The following HIF1AN variants were observed in gnomAD, a reference collection of about 807,000 sequenced individuals.
HIF1AN encodes the protein hypoxia-inducible factor 1-alpha inhibitor.
In HIF1AN, 21 loss-of-function variants were observed where a neutral mutation model predicts 47.7. The observed-to-expected ratio is 0.44, with a 90% CI of 0.31 to 0.63. HIF1AN has a LOEUF of 0.63. HIF1AN is among the 30% of genes least tolerant of loss of function. HIF1AN has a pLI of 0.07. For synonymous variants in HIF1AN, 152 were observed against 155.9 expected, an observed-to-expected ratio of 0.98 and a Z score of 0.18; for missense variants, 320 against 432.7, an observed-to-expected ratio of 0.74 and a Z score of 2.31.
intron 4 of HIF1AN, 70 bp downstream of exon 4, chr10:100,545,166 C>A: frequency 6.6e-7 from 1 of 1,526,404 alleles, no homozygotes; most frequent in Non-Finnish European, 9.0e-7. Flanking sequence ...GAATGTCTTT[C>A]CCCTTCCCCG....
chr10:100,554,458 G>A lies in HIF1AN; in HGVS notation c.*6321G>A, dbSNP rs1843196901. Reference sequence around the variant, plus strand: ...TCGAACCAACCTTGGGCAGCATAGTGAGACCCCTTCTCTTAATAATTTTTT... The same window carrying A: ...TCGAACCAACCTTGGGCAGCATAGTAAGACCCCTTCTCTTAATAATTTTTT... On this transcript the variant is annotated 3_prime_UTR_variant, in exon 8 of 8. Coordinates refer to ENST00000299163, the MANE Select transcript of HIF1AN (RefSeq NM_017902.3). 1 of 151,778 alleles carries A rather than the reference G, an allele frequency of 6.6e-6. No individual in the cohort carries two copies. Among genetic ancestry groups the A allele is most frequent in the Non-Finnish European group, 1.5e-5 (1 of 67,954 alleles). 9.4% of individuals were successfully genotyped at this position (151,778 alleles called of 1,614,324 possible).
Position 100,551,397 on chromosome 10 carries a change from G to A in HIF1AN, c.*3260G>A, listed in dbSNP as rs1048208747. Reference sequence around the variant, plus strand: ...ACAGAGAGGGGAAGGATCCTTATCAGTGGGCCAGCCCAGTATGGGGAGACA... The same window carrying A: ...ACAGAGAGGGGAAGGATCCTTATCAATGGGCCAGCCCAGTATGGGGAGACA... On this transcript the variant is annotated 3_prime_UTR_variant, in exon 8 of 8. Transcript: ENST00000299163. 6 of 152,234 alleles carry A rather than the reference G, an allele frequency of 3.9e-5. No homozygotes were observed. Among genetic ancestry groups the A allele is most frequent in the African/African-American group, 1.4e-4 (6 of 41,466 alleles). 9.4% of individuals were successfully genotyped at this position (152,234 alleles called of 1,614,324 possible). A position where few individuals can be genotyped will look rare whatever the true frequency, so the allele number is the denominator to read the frequency against.
At chr10:100,542,885 A>C (rs1843056549) in intron 3 of HIF1AN, among the ~76,000 whole-genome samples, 1 of 112,500 alleles carries the variant, frequency 8.9e-6, no homozygotes, top group South Asian at 3.1e-4. Context: ...GAATGAAAGG[A>C]GAGGCCCTTA....
chr10:100,538,835 A>G (rs948076424), intron 2 of HIF1AN, among the ~76,000 whole-genome samples: 9 of 151,598 alleles, frequency 5.9e-5, no homozygotes, highest in African/African-American at 2.2e-4. Context: ...AAAAAAAAAA[A>G]AGATTTCTGA....
At chr10:100,538,125 G>A (rs979247715) in intron 2 of HIF1AN, among the ~76,000 whole-genome samples, 1 of 152,220 alleles carries the variant, frequency 6.6e-6, no homozygotes. Context: ...TCAGTCGCTT[G>A]AAGTTTCTTG....
chr10:100,554,823 A>AG lies in HIF1AN; in HGVS notation c.*6686_*6687insG, dbSNP rs1843200878. On this transcript the variant is annotated 3_prime_UTR_variant, in exon 8 of 8. Transcript: ENST00000299163. ...CTCCCTCTCAAAAAAAAAAAAAAAA[A>AG]ATTATGAGTATGTTAAGATTGTTCT... is the stretch of plus-strand genomic sequence containing the variant. 1.3e-5 allele frequency: 2 copies of AG among 148,398 alleles called. No individual in the cohort carries two copies. Among genetic ancestry groups the AG allele is most frequent in the East Asian group, 3.9e-4 (2 of 5,118 alleles). 9.2% of individuals were successfully genotyped at this position (148,398 alleles called of 1,614,324 possible). A position where few individuals can be genotyped will look rare whatever the true frequency, so the allele number is the denominator to read the frequency against.
intron 2 of HIF1AN, among the ~76,000 whole-genome samples, chr10:100,538,978 T>C (rs571147384): frequency 2.3e-4 from 34 of 150,818 alleles, no homozygotes; most frequent in Non-Finnish European, 4.4e-4. Flanking sequence ...TGATCTCAGC[T>C]TACTGCAACC....
In HIF1AN at chr10:100,552,283, G is replaced by A. The variant is rs1177519730; in HGVS notation, c.*4146G>A. 6.6e-6 allele frequency: 1 copy of A among 152,222 alleles called. No individual in the cohort carries two copies. The highest frequency in any genetic ancestry group is 1.5e-5 in the Non-Finnish European group (1 of 68,054). The allele number at this position is 152,222 out of a possible 1,614,324, so 9.4% of individuals were successfully genotyped here. The stretch of plus-strand genomic sequence containing the variant: ...TTGGTGGTTCTCTCTTTCAGAATGG[G>A]AACTTCCCAAAAATGGGGCTGCGTC... On this transcript the variant is annotated 3_prime_UTR_variant, in exon 8 of 8. Coordinates refer to ENST00000299163, the MANE Select transcript of HIF1AN (RefSeq NM_017902.3).
rs1843242161 is a variant in HIF1AN at position 100,559,700 on chromosome 10, G to A, written c.*11563G>A. ...CAAAGTTCTGGGATTACAGGCATAA[G>A]CCACTGTGCCTGGCCTTGAATATAT... On this transcript the variant is annotated 3_prime_UTR_variant, in exon 8 of 8. Transcript: ENST00000299163. 6.6e-6 allele frequency: 1 copy of A among 152,242 alleles called. No individual in the cohort carries two copies. The highest frequency in any genetic ancestry group is 2.4e-5 in the African/African-American group (1 of 41,464). The allele number at this position is 152,242 out of a possible 1,614,324, so 9.4% of individuals were successfully genotyped here. A position where few individuals can be genotyped will look rare whatever the true frequency, so the allele number is the denominator to read the frequency against.
Position 100,551,068 on chromosome 10 carries a change from A to G in HIF1AN, c.*2931A>G, listed in dbSNP as rs1324283257. ...CGCTGCAGGCTCATCTATTCACACC[A>G]GCAGGTACAGAGAAAACTAGTGTTT... On this transcript the variant is annotated 3_prime_UTR_variant, in exon 8 of 8. Coordinates refer to ENST00000299163, the MANE Select transcript of HIF1AN (RefSeq NM_017902.3). The G allele has an allele frequency of 6.6e-6, 1 of 152,262 alleles. No individual in the cohort carries two copies. The highest frequency in any genetic ancestry group is 1.5e-5 in the Non-Finnish European group (1 of 68,066). 9.4% of individuals were successfully genotyped at this position (152,262 alleles called of 1,614,324 possible).
intron 2 of HIF1AN, among the ~76,000 whole-genome samples, chr10:100,538,950 G>C (rs1295674714): frequency 5.7e-5 from 8 of 140,874 alleles, no homozygotes; most frequent in Non-Finnish European, 1.2e-4. Context: ...CTGTCACCCA[G>C]GCTGGAGTGC....
chr10:100,542,421 T>C (rs938837765), intron 3 of HIF1AN, among the ~76,000 whole-genome samples: 3 of 152,184 alleles, frequency 2.0e-5, no homozygotes, highest in African/African-American at 7.2e-5. Flanking sequence ...TGGCGCGATC[T>C]CGGCTCACTA....
chr10:100,545,125 A>G, intron 4 of HIF1AN, 29 bp downstream of exon 4: 1 of 1,604,818 alleles, frequency 6.2e-7, no homozygotes, highest in African/African-American at 1.3e-5. Context: ...AGAAGGGTAT[A>G]GAACTCTAGA....
At position 100,556,573 on chromosome 10, in the gene HIF1AN, C is replaced by T. The variant is rs1843216337; in HGVS notation, c.*8436C>T. On this transcript the variant is annotated 3_prime_UTR_variant, in exon 8 of 8. Transcript: ENST00000299163. ...TAGGACCATGGATTTAAGAACGTTG[C>T]CTCCAAGTTTTTGAATTGTGAATTT... 1.3e-5 allele frequency: 2 copies of T among 152,284 alleles called. No homozygotes were observed. Among genetic ancestry groups the T allele is most frequent in the South Asian group, 4.1e-4 (2 of 4,826 alleles). The allele number at this position is 152,284 out of a possible 1,614,324, so 9.4% of individuals were successfully genotyped here.
chr10:100,546,639 A>T, intron 6 of HIF1AN, 58 bp downstream of exon 6: 1 of 1,302,258 alleles, frequency 7.7e-7, no homozygotes, highest in South Asian at 1.2e-5. Context: ...TGGGTGAGGT[A>T]GGTATAATAA....
intron 3 of HIF1AN, 26 bp from the exon 4 acceptor site, chr10:100,544,925 A>G: frequency 1.2e-6 from 2 of 1,612,642 alleles, no homozygotes; most frequent in Non-Finnish European, 1.7e-6. Flanking sequence ...ACTGCTCTGC[A>G]TAAGAAAATG....
chr10:100,552,656 A>G lies in HIF1AN; in HGVS notation c.*4519A>G, dbSNP rs1264467143. 6.6e-6 allele frequency: 1 copy of G among 152,304 alleles called. No individual in the cohort carries two copies. The highest frequency in any genetic ancestry group is 1.5e-5 in the Non-Finnish European group (1 of 68,170). 9.4% of individuals were successfully genotyped at this position (152,304 alleles called of 1,614,324 possible). On this transcript the variant is annotated 3_prime_UTR_variant, in exon 8 of 8. Coordinates refer to ENST00000299163, the MANE Select transcript of HIF1AN (RefSeq NM_017902.3). ...TAGTCTCTCCAGCGGCCTCCTTACC[A>G]AGACCCTTTTTCCTAAACAGTTGTC...
chr10:100,557,040 A>G lies in HIF1AN; in HGVS notation c.*8903A>G, dbSNP rs1391061658. 1 of 152,216 alleles carries G rather than the reference A, an allele frequency of 6.6e-6. No homozygotes were observed. The highest frequency in any genetic ancestry group is 2.4e-5 in the African/African-American group (1 of 41,428). The allele number at this position is 152,216 out of a possible 1,614,324, so 9.4% of individuals were successfully genotyped here. A position where few individuals can be genotyped will look rare whatever the true frequency, so the allele number is the denominator to read the frequency against. On this transcript the variant is annotated 3_prime_UTR_variant, in exon 8 of 8. Transcript: ENST00000299163. ...CAGGAAAAGCAAGATGGAAAAGATAAAGTTGTGGAAGGGACTGAAAGTCCA... is the reference window on the plus strand; with the variant it reads ...CAGGAAAAGCAAGATGGAAAAGATAGAGTTGTGGAAGGGACTGAAAGTCCA...
In HIF1AN at chr10:100,547,238, G is replaced by T; in HGVS notation, c.993G>T (p.Gly331=). The change falls in exon 7 of 8, where the codon GGG becomes GGT. Residue 331 remains glycine (G), a synonymous_variant. Coordinates refer to ENST00000299163, the MANE Select transcript of HIF1AN (RefSeq NM_017902.3). The part of the protein sequence containing the change: ...NIEKMLGEAL[G]NPQEVGPLLN... ...AGAAGATGCTTGGAGAGGCCTTGGG[G>T]AACCCACAAGAGGTAGGTGACTGCC... The T allele has an allele frequency of 6.2e-7, 1 of 1,612,170 alleles. No homozygotes were observed. The highest frequency in any genetic ancestry group is 1.1e-5 in the South Asian group (1 of 90,868).
Sources: gnomAD v4.1 joint callset for allele counts (sites outside exome capture counted in the v4.1 genomes callset) on GRCh38, gnomAD v4.1.1 for gene constraint, MANE v1.5 for transcripts, NCBI Gene and HGNC (gene_info 2026-07-23, HGNC 2026-07-21) for gene names.